The following TRHDE variants were observed in gnomAD, a reference collection of about 807,000 sequenced individuals.
TRHDE encodes thyrotropin releasing hormone degrading enzyme.
A neutral mutation model predicts 125.7 loss-of-function variants in TRHDE; 72 were observed. The observed-to-expected ratio is 0.57, with a 90% CI of 0.47 to 0.70. The LOEUF (loss-of-function observed/expected upper bound fraction) is 0.70. Ranked by LOEUF, TRHDE falls within the 30% of genes least tolerant of loss-of-function variation. The pLI is 0.00. For synonymous variants in TRHDE, 509 were observed against 509.1 expected, an observed-to-expected ratio of 1.00 and a Z score of 0.00; for missense variants, 1,110 against 1,327.1, an observed-to-expected ratio of 0.84 and a Z score of 2.54.
chr12:72,427,559 G>A (rs1874244019), intron 3 of TRHDE, among the ~76,000 whole-genome samples: 1 of 152,068 alleles, frequency 6.6e-6, no homozygotes, highest in East Asian at 1.9e-4. Flanking sequence ...GGGAAGAAGG[G>A]ATTAGAGAAA....
intron 3 of TRHDE, among the ~76,000 whole-genome samples, chr12:72,393,760 G>A (rs1402745609): frequency 6.6e-6 from 1 of 152,074 alleles, no homozygotes; most frequent in Non-Finnish European, 1.5e-5. Flanking sequence ...TTTGTACAGA[G>A]CCTAGAGAAT....
chr12:72,404,849 T>A (rs1873200715), intron 3 of TRHDE, among the ~76,000 whole-genome samples: 1 of 152,204 alleles, frequency 6.6e-6, no homozygotes, highest in Non-Finnish European at 1.5e-5. Context: ...CTGAGATATG[T>A]AACCATGGGC....
chr12:72,203,696 TTGGAGCTCAGG>T, intron 2 of TRHDE, among the ~76,000 whole-genome samples: 1 of 152,214 alleles, frequency 6.6e-6, no homozygotes, highest in Admixed American at 6.5e-5. Flanking sequence ...GTTTACTAAC[TTGGAGCTCAGG>T]AAGAGTTAAA....
intron 2 of TRHDE, among the ~76,000 whole-genome samples, chr12:72,298,720 G>A (rs1880396947): frequency 6.6e-6 from 1 of 152,132 alleles, no homozygotes; most frequent in East Asian, 1.9e-4. Flanking sequence ...TTTGAGCTTG[G>A]GAGGGCTTCA....
chr12:72,504,444 T>C (rs1175640418), intron 6 of TRHDE, among the ~76,000 whole-genome samples: 1 of 151,994 alleles, frequency 6.6e-6, no homozygotes, highest in South Asian at 2.1e-4. Flanking sequence ...GCTGGGACTA[T>C]GGGTGCCCAC....
intron 2 of TRHDE, among the ~76,000 whole-genome samples, chr12:72,110,969 ACT>A (rs756804336): frequency 2.4e-4 from 36 of 151,974 alleles, no homozygotes; most frequent in Non-Finnish European, 4.6e-4. Flanking sequence ...TTTTCCTGTC[ACT>A]CTCAGGCAAT....
chr12:72,241,119 A>G (rs1878469620), intron 2 of TRHDE, among the ~76,000 whole-genome samples: 1 of 151,766 alleles, frequency 6.6e-6, no homozygotes, highest in Admixed American at 6.6e-5. Flanking sequence ...CCTGCACCCC[A>G]CTCCCAATAC....
chr12:72,627,096 C>A (rs1873290961), intron 15 of TRHDE, among the ~76,000 whole-genome samples: 1 of 151,914 alleles, frequency 6.6e-6, no homozygotes, highest in Non-Finnish European at 1.5e-5. Flanking sequence ...GGGCTGCCCG[C>A]CCTTCCAATG....
intron 2 of TRHDE, among the ~76,000 whole-genome samples, chr12:72,132,134 C>T (rs1793145698): frequency 6.6e-6 from 1 of 152,026 alleles, no homozygotes; most frequent in Non-Finnish European, 1.5e-5. Flanking sequence ...GGAAAGGTAT[C>T]CTGTTGTAAC....
intron 12 of TRHDE, among the ~76,000 whole-genome samples, chr12:72,610,094 T>TAC (rs57357463): frequency 0.012 from 1,845 of 152,304 alleles, 34 homozygotes; most frequent in African/African-American, 0.042. Context: ...AAGTGGAATA[T>TAC]ACACCTTCCT....
At chr12:72,509,271 C>G (rs1565770886) in intron 6 of TRHDE, among the ~76,000 whole-genome samples, 1 of 147,614 alleles carries the variant, frequency 6.8e-6, no homozygotes, top group African/African-American at 2.5e-5. Context: ...ATAACCACCG[C>G]ACCCCCCCGC....
At chr12:72,497,357 C>T (rs557133056) in intron 5 of TRHDE, among the ~76,000 whole-genome samples, 64 of 152,128 alleles carry the variant, frequency 4.2e-4, no homozygotes, top group African/African-American at 1.5e-3. Context: ...TTAAAAATTA[C>T]ATCTCTAGCA....
At chr12:72,235,885 G>C (rs1046638628) in intron 2 of TRHDE, among the ~76,000 whole-genome samples, 14 of 152,320 alleles carry the variant, frequency 9.2e-5, no homozygotes, top group African/African-American at 3.4e-4. Context: ...AATGTGGGAA[G>C]TATATTATTG....
At chr12:72,487,587 A>G (rs1877473296) in intron 5 of TRHDE, among the ~76,000 whole-genome samples, 1 of 152,152 alleles carries the variant, frequency 6.6e-6, no homozygotes, top group African/African-American at 2.4e-5. Flanking sequence ...TTTCTCAGAC[A>G]AGCAAAAGCT....
chr12:72,433,170 C>A (rs574475157), intron 3 of TRHDE, among the ~76,000 whole-genome samples: 42 of 152,056 alleles, frequency 2.8e-4, no homozygotes, highest in African/African-American at 9.9e-4. Context: ...GGTATATAAT[C>A]ATTTTGATTT....
intron 5 of TRHDE, among the ~76,000 whole-genome samples, chr12:72,486,090 A>C (rs598330): frequency 6.6e-6 from 1 of 152,062 alleles, no homozygotes; most frequent in African/African-American, 2.4e-5. Context: ...GGCCTTAGCC[A>C]CTGGAGAACC....
intron 3 of TRHDE, among the ~76,000 whole-genome samples, chr12:72,421,763 C>G (rs909302292): frequency 6.6e-6 from 1 of 152,154 alleles, no homozygotes. Flanking sequence ...GTGGAAACAT[C>G]TAGGAAAACC....
At chr12:72,267,419 TTC>T (rs1433228947), upstream of TRHDE, among the ~76,000 whole-genome samples, 1 of 152,144 alleles carries the variant, frequency 6.6e-6, no homozygotes, top group East Asian at 1.9e-4. Flanking sequence ...TATTTGGTCA[TTC>T]TTTTCCTTAC....
intron 15 of TRHDE, among the ~76,000 whole-genome samples, chr12:72,637,353 C>T (rs1424397731): frequency 1.3e-5 from 2 of 152,008 alleles, no homozygotes; most frequent in East Asian, 1.9e-4. Flanking sequence ...GGTGATATCC[C>T]CTTTATCATC....
Sources: allele counts gnomAD v4.1 joint callset (sites outside exome capture counted in the v4.1 genomes callset), GRCh38; gene constraint gnomAD v4.1.1; transcripts MANE v1.5; gene names NCBI Gene and HGNC (gene_info 2026-07-23, HGNC 2026-07-21).